Variants in PRPSAP1 observed in about 807,000 individuals in gnomAD.
PRPSAP1 encodes the protein phosphoribosyl pyrophosphate synthetase associated protein 1.
In PRPSAP1, 31 loss-of-function variants were observed where a neutral mutation model predicts 39.4. That is an observed-to-expected ratio of 0.79 (90% CI 0.59 to 1.06). PRPSAP1 has a LOEUF of 1.06. Among genes scored for constraint, PRPSAP1 ranks in the 50% least tolerant of loss-of-function variants. PRPSAP1 has a pLI of 0.00. For missense variants in PRPSAP1, 430 were observed against 511.6 expected, an observed-to-expected ratio of 0.84 and a Z score of 1.54; for synonymous variants, 212 against 192.6, an observed-to-expected ratio of 1.10 and a Z score of -0.83.
At chr17:76,325,916 A>G (rs1336232894) in intron 7 of PRPSAP1, among the ~76,000 whole-genome samples, 6 of 151,980 alleles carry the variant, frequency 3.9e-5, no homozygotes, top group Non-Finnish European at 5.9e-5. Context: ...AACTGCTAGT[A>G]TTTTTTAGCA....
chr17:76,314,056 G>A (rs914235609), intron 7 of PRPSAP1, 165 bp from the exon 8 acceptor site: 1 of 672,538 alleles, frequency 1.5e-6, no homozygotes, highest in Non-Finnish European at 2.6e-6. Flanking sequence ...CTCAGAAACA[G>A]CAGCATTGGC....
chr17:76,311,623 C>A lies in PRPSAP1; in HGVS notation c.1077G>T (p.Leu359Phe). The change falls in exon 10 of 10, where the codon TTG becomes TTT. Residue 359 changes from leucine to phenylalanine, a missense_variant. Physicochemically the swap from Leu to Phe is conservative, Grantham distance 22 (BLOSUM62 0). Coordinates refer to ENST00000446526, the MANE Select transcript of PRPSAP1 (RefSeq NM_002766.3). ...TTCTCCGAATGGCTTCAGAAAGAAT[C>A]AAACTGATATCCACAGTCTTTATCT... ...CPKIKTVDISLILSEAIRRIH... is the reference protein window; with the variant it reads ...CPKIKTVDISFILSEAIRRIH... 1.2e-6 allele frequency: 2 copies of A among 1,614,152 alleles called. No individual in the cohort carries two copies. The highest frequency in any genetic ancestry group is 8.5e-7 in the Non-Finnish European group (1 of 1,180,006).
At chr17:76,349,447 T>C (rs1464922735) in intron 1 of PRPSAP1, among the ~76,000 whole-genome samples, 3 of 152,052 alleles carry the variant, frequency 2.0e-5, no homozygotes, top group Non-Finnish European at 4.4e-5. Flanking sequence ...TGAAATGATA[T>C]GATGTAAGAT....
chr17:76,319,651 TAG>T (rs1253239233), intron 7 of PRPSAP1, among the ~76,000 whole-genome samples: 1 of 151,810 alleles, frequency 6.6e-6, no homozygotes, highest in Non-Finnish European at 1.5e-5. Context: ...GTAATTTTAG[TAG>T]AGACGGGGTT....
chr17:76,329,599 G>A (rs1483246435), intron 6 of PRPSAP1, among the ~76,000 whole-genome samples: 3 of 152,064 alleles, frequency 2.0e-5, no homozygotes, highest in African/African-American at 7.2e-5. Flanking sequence ...AGCCAGGAGT[G>A]GTGACAGGCG....
chr17:76,315,741 G>GTCTCA (rs1192100057), intron 7 of PRPSAP1, among the ~76,000 whole-genome samples: 1 of 106,742 alleles, frequency 9.4e-6, no homozygotes, highest in Non-Finnish European at 1.7e-5. Flanking sequence ...TTGAGACAGA[G>GTCTCA]TCTCACTCTG....
At chr17:76,336,234 T>TA (rs545757487) in intron 3 of PRPSAP1, among the ~76,000 whole-genome samples, 134 of 152,280 alleles carry the variant, frequency 8.8e-4, no homozygotes, top group Admixed American at 2.6e-3. Context: ...GGTCAGGAGT[T>TA]AGAGACCAGC....
chr17:76,329,473 G>A (rs969939578), intron 6 of PRPSAP1, among the ~76,000 whole-genome samples: 1 of 152,118 alleles, frequency 6.6e-6, no homozygotes. Context: ...AGTGGCTTAC[G>A]CCTGTAAACC....
chr17:76,341,251 T>G (rs1011152719), intron 3 of PRPSAP1, among the ~76,000 whole-genome samples: 10 of 149,796 alleles, frequency 6.7e-5, no homozygotes, highest in African/African-American at 2.5e-4. Flanking sequence ...TTTTTTTTTT[T>G]TTTTGAGATA....
intron 2 of PRPSAP1, chr17:76,346,222 G>C (rs1181237966): frequency 5.5e-6 from 1 of 182,744 alleles, no homozygotes; most frequent in African/African-American, 2.4e-5. Flanking sequence ...TTAGCACACA[G>C]AACGCTTCAT....
At chr17:76,326,654 A>T (rs1264302836) in intron 7 of PRPSAP1, among the ~76,000 whole-genome samples, 1 of 152,236 alleles carries the variant, frequency 6.6e-6, no homozygotes, top group African/African-American at 2.4e-5. Flanking sequence ...CTCCAGATTA[A>T]ATGAGACTAA....
chr17:76,351,287 C>A (rs1399261717), intron 1 of PRPSAP1, among the ~76,000 whole-genome samples: 2 of 151,850 alleles, frequency 1.3e-5, no homozygotes, highest in South Asian at 4.2e-4. Context: ...GAGGCCGAGG[C>A]GAGTGGATCA....
intron 7 of PRPSAP1, 106 bp downstream of exon 7, chr17:76,328,611 A>G: frequency 7.2e-7 from 1 of 1,395,822 alleles, no homozygotes; most frequent in Non-Finnish European, 9.7e-7. Context: ...TCCATCTCAA[A>G]AACAAAACAA....
chr17:76,341,900 CTG>C (rs1400062899), intron 3 of PRPSAP1, among the ~76,000 whole-genome samples: 1 of 152,132 alleles, frequency 6.6e-6, no homozygotes, highest in Non-Finnish European at 1.5e-5. Flanking sequence ...GATTGCGCCA[CTG>C]CACCCCAGCC....
intron 3 of PRPSAP1, among the ~76,000 whole-genome samples, chr17:76,333,872 A>ATTCT (rs368430823): frequency 2.4e-4 from 36 of 152,106 alleles, no homozygotes; most frequent in East Asian, 1.7e-3. Flanking sequence ...TCATTCATTC[A>ATTCT]TTCTTTCTTT....
chr17:76,325,273 G>T (rs1235070966), intron 7 of PRPSAP1, among the ~76,000 whole-genome samples: 7 of 150,218 alleles, frequency 4.7e-5, no homozygotes, highest in Admixed American at 6.6e-5. Context: ...CCCGGGCGTG[G>T]TAGCGGGTGC....
chr17:76,313,895 GCAAAA>G lies in PRPSAP1; in HGVS notation c.782-9_782-5del. 1 of 1,613,904 alleles carries G rather than the reference GCAAAA, an allele frequency of 6.2e-7. No individual in the cohort carries two copies. Among genetic ancestry groups the G allele is most frequent in the Non-Finnish European group, 8.5e-7 (1 of 1,179,932 alleles). The stretch of plus-strand genomic sequence containing the variant: ...GGCTTCTCTTTGGCCATCATCACTA[GCAAAA>G]CAAAACAAATTACAAGATCTCAGTC... On this transcript the variant is annotated splice_polypyrimidine_tract_variant and splice_region_variant and intron_variant, in intron 7 of 9. Coordinates refer to ENST00000446526, the MANE Select transcript of PRPSAP1 (RefSeq NM_002766.3).
chr17:76,352,204 C>G (rs1288677158), intron 1 of PRPSAP1, among the ~76,000 whole-genome samples: 1 of 151,816 alleles, frequency 6.6e-6, no homozygotes, highest in East Asian at 1.9e-4. Flanking sequence ...TCTATGAAAA[C>G]TGTTTAAAAT....
intron 5 of PRPSAP1, 26 bp downstream of exon 5, chr17:76,330,525 T>C (rs199847261): frequency 1.2e-5 from 18 of 1,480,160 alleles, no homozygotes; most frequent in Admixed American, 3.7e-5. Flanking sequence ...TTGAGGACAA[T>C]GGGGTGTTTG....
Sources: allele counts gnomAD v4.1 joint callset (sites outside exome capture counted in the v4.1 genomes callset), GRCh38; gene constraint gnomAD v4.1.1; transcripts MANE v1.5; gene names NCBI Gene and HGNC (gene_info 2026-07-23, HGNC 2026-07-21).